The following PIN4 variants were observed in gnomAD, a reference collection of about 807,000 sequenced individuals.
PIN4 encodes peptidylprolyl cis/trans isomerase, NIMA-interacting 4, also known as peptidyl-prolyl cis-trans isomerase NIMA-interacting 4.
In PIN4, 3 loss-of-function variants were observed where a neutral mutation model predicts 8.3. That is an observed-to-expected ratio of 0.36 (90% CI 0.16 to 0.93). PIN4 has a LOEUF of 0.93. PIN4 is among the 40% of genes least tolerant of loss of function. The pLI is 0.44. For synonymous variants in PIN4, 18 were observed against 32.5 expected (o/e 0.55, Z 1.52); for missense variants, 75 against 100.6 (o/e 0.75, Z 1.09).
intron 3 of PIN4, among the ~76,000 whole-genome samples, chrX:72,212,214 T>G (rs1311781237): frequency 9.1e-6 from 1 of 110,274 alleles, no homozygotes; most frequent in Non-Finnish European, 1.9e-5. Flanking sequence ...GGGGTTGCAG[T>G]GAGCCAAGAT....
intron 2 of PIN4, among the ~76,000 whole-genome samples, chrX:72,188,864 A>T (rs1569488310): frequency 8.9e-6 from 1 of 112,038 alleles, no homozygotes; most frequent in East Asian, 2.8e-4. Context: ...TCTCTGGAAA[A>T]AAAATAAGTT....
intron 3 of PIN4, chrX:72,208,488 G>A: frequency 8.3e-7 from 1 of 1,211,684 alleles, no homozygotes; most frequent in Non-Finnish European, 1.1e-6. Flanking sequence ...AGAGTTGGTT[G>A]TGCAGTTCTC....
At position 72,196,767 on chromosome X, in the gene PIN4, T is replaced by C. The variant is rs2042768319; in HGVS notation, c.118-18T>C. The C allele has an allele frequency of 8.4e-7, 1 of 1,193,657 alleles. No individual in the cohort carries two copies. Among genetic ancestry groups the C allele is most frequent in the African/African-American group, 1.8e-5 (1 of 56,472 alleles). On this transcript the variant is annotated intron_variant, in intron 2 of 3. Transcript: ENST00000373669. The stretch of plus-strand genomic sequence containing the variant: ...TTTGGGTCTCCAAGTATTACATGAA[T>C]GTACTTTTTCCTTGCAGGTCAGACA...
chrX:72,205,710 G>A (rs757642569), intron 3 of PIN4: 1 of 1,211,600 alleles, frequency 8.3e-7, no homozygotes, highest in Non-Finnish European at 1.1e-6. Context: ...CTTTACTTCT[G>A]ATTTTTGCTT....
At chrX:72,231,640 G>A (rs1238390349) in intron 3 of PIN4, among the ~76,000 whole-genome samples, 9 of 110,039 alleles carry the variant, frequency 8.2e-5, no homozygotes, top group African/African-American at 3.0e-4. Context: ...TGCAGCCTCC[G>A]CCTCCTGGGT....
At chrX:72,233,019 A>C (rs1441316254) in intron 3 of PIN4, among the ~76,000 whole-genome samples, 2 of 111,317 alleles carry the variant, frequency 1.8e-5, no homozygotes, top group African/African-American at 6.5e-5. Context: ...TATTCACAGA[A>C]TACTAAGCTA....
intron 2 of PIN4, among the ~76,000 whole-genome samples, chrX:72,188,888 CAT>C (rs2042717387): frequency 8.9e-6 from 1 of 111,810 alleles, no homozygotes; most frequent in Admixed American, 9.5e-5. Flanking sequence ...TGTGGCCACT[CAT>C]GAGATATATG....
chrX:72,189,192 G>T (rs974470573), intron 2 of PIN4, among the ~76,000 whole-genome samples: 3 of 110,976 alleles, frequency 2.7e-5, no homozygotes, highest in Admixed American at 9.6e-5. Flanking sequence ...AAAAGGAAAA[G>T]AAATAATACG....
At chrX:72,219,684 C>T (rs2042910760) in intron 3 of PIN4, among the ~76,000 whole-genome samples, 2 of 108,502 alleles carry the variant, frequency 1.8e-5, no homozygotes, top group Non-Finnish European at 3.8e-5. Flanking sequence ...CCCGCCTCTA[C>T]TAAAAATACA....
At chrX:72,209,340 T>C (rs182398688) in intron 3 of PIN4, among the ~76,000 whole-genome samples, 3 of 112,114 alleles carry the variant, frequency 2.7e-5, no homozygotes, top group African/African-American at 6.5e-5. Flanking sequence ...TCTAGACCCA[T>C]ATTCCAGCTG....
intron 3 of PIN4, chrX:72,204,585 A>T (rs2042804923): frequency 8.6e-6 from 1 of 116,846 alleles, no homozygotes. Flanking sequence ...ATTAAGCTGA[A>T]AGCATGAAAC....
At chrX:72,182,758 G>C (rs2042680605) in intron 1 of PIN4, among the ~76,000 whole-genome samples, 1 of 111,517 alleles carries the variant, frequency 9.0e-6, no homozygotes, top group Non-Finnish European at 1.9e-5. Flanking sequence ...TTGAGGGTAG[G>C]TTAAAGCATT....
chrX:72,231,360 T>C (rs192484455), intron 3 of PIN4, among the ~76,000 whole-genome samples: 1 of 111,243 alleles, frequency 9.0e-6, no homozygotes, highest in East Asian at 2.8e-4. Flanking sequence ...ACATGGAATC[T>C]AGAAAAGAAG....
intron 3 of PIN4, among the ~76,000 whole-genome samples, chrX:72,249,336 CT>C (rs1446722064): frequency 8.9e-6 from 1 of 112,553 alleles, no homozygotes; most frequent in Admixed American, 9.5e-5. Context: ...TATGGAACAA[CT>C]GTAAGTCTCA....
chrX:72,262,964 C>T (rs996711928), exon 4 of PIN4: 6 of 378,984 alleles, frequency 1.6e-5, no homozygotes, highest in African/African-American at 1.3e-4. Flanking sequence ...GCTTGGGGAA[C>T]AGCAAGGAAA....
chrX:72,210,798 T>G (rs1457850395), intron 3 of PIN4, among the ~76,000 whole-genome samples: 1 of 111,867 alleles, frequency 8.9e-6, no homozygotes, highest in African/African-American at 3.2e-5. Context: ...GTTTACAGTA[T>G]TCCTTGGATA....
chrX:72,239,048 G>T (rs1428983014), intron 3 of PIN4: 6 of 606,540 alleles, frequency 9.9e-6, no homozygotes, highest in Non-Finnish European at 1.5e-5. Flanking sequence ...CCGTGGAGAG[G>T]GACACAGCCA....
At chrX:72,248,298 A>G (rs2043074863) in intron 3 of PIN4, among the ~76,000 whole-genome samples, 1 of 26,890 alleles carries the variant, frequency 3.7e-5, no homozygotes, top group African/African-American at 9.1e-4. Flanking sequence ...CCAGAAAAAA[A>G]AAAAAAAAAA....
chrX:72,192,716 C>G (rs1165862877), intron 2 of PIN4, among the ~76,000 whole-genome samples: 3 of 110,993 alleles, frequency 2.7e-5, no homozygotes, highest in African/African-American at 9.9e-5. Flanking sequence ...GCCTCAGCCT[C>G]CTGAGTAGCT....
Sources: gnomAD v4.1 joint callset for allele counts (sites outside exome capture counted in the v4.1 genomes callset) on GRCh38, gnomAD v4.1.1 for gene constraint, MANE v1.5 for transcripts, NCBI Gene and HGNC (gene_info 2026-07-23, HGNC 2026-07-21) for gene names.